Variants in AKAIN1 observed in about 807,000 individuals in gnomAD.
AKAIN1 encodes the protein A-kinase anchor inhibitor 1.
In AKAIN1, 3 loss-of-function variants were observed where a neutral mutation model predicts 3.7. The observed-to-expected ratio is 0.82, with a 90% CI of 0.37 to 2.12. AKAIN1 has a LOEUF of 2.12. Ranked by LOEUF, AKAIN1 falls within the 30% of genes most tolerant of loss-of-function variation. The pLI, the probability that AKAIN1 is intolerant of heterozygous loss-of-function variation, is 0.06. For synonymous variants in AKAIN1, 31 were observed against 30.8 expected (o/e 1.01, Z -0.02); for missense variants, 82 against 82.7 (o/e 0.99, Z 0.03).
At chr18:5,193,069 G>C in intron 1 of AKAIN1, among the ~76,000 whole-genome samples, 2 of 152,254 alleles carry the variant, frequency 1.3e-5, no homozygotes, top group Admixed American at 1.3e-4. Context: ...ATTTATCAAT[G>C]TGTCAGGAAT....
intron 1 of AKAIN1, among the ~76,000 whole-genome samples, chr18:5,194,949 C>G (rs1567881670): frequency 1.3e-5 from 2 of 152,124 alleles, no homozygotes; most frequent in South Asian, 4.1e-4. Flanking sequence ...AATGAGGTTG[C>G]AGTGCTGAAA....
At chr18:5,154,796 C>T (rs62082383) in intron 1 of AKAIN1, among the ~76,000 whole-genome samples, 28,727 of 152,058 alleles carry the variant, frequency 0.19, 2,985 homozygotes, top group African/African-American at 0.29. Flanking sequence ...CTTTTACGTT[C>T]CAACAAAACA....
At chr18:5,174,191 G>A (rs1429487294) in intron 1 of AKAIN1, among the ~76,000 whole-genome samples, 1 of 152,070 alleles carries the variant, frequency 6.6e-6, no homozygotes, top group Non-Finnish European at 1.5e-5. Context: ...ACAATCCTGA[G>A]GACCATTGCC....
chr18:5,179,423 G>GTATATA (rs148703559), intron 1 of AKAIN1, among the ~76,000 whole-genome samples: 1 of 149,372 alleles, frequency 6.7e-6, no homozygotes, highest in Non-Finnish European at 1.5e-5. Context: ...ATGTATGTGT[G>GTATATA]TATATATATA....
At chr18:5,187,616 T>G (rs994351358) in intron 1 of AKAIN1, among the ~76,000 whole-genome samples, 1 of 152,144 alleles carries the variant, frequency 6.6e-6, no homozygotes. Flanking sequence ...AACCCATTCA[T>G]GAGGACACAA....
intron 1 of AKAIN1, among the ~76,000 whole-genome samples, chr18:5,179,019 A>C (rs2071242118): frequency 6.6e-6 from 1 of 152,204 alleles, no homozygotes; most frequent in Admixed American, 6.5e-5. Context: ...TAGAGAAACT[A>C]AGGAGAAAAC....
rs2071030322 is a variant in AKAIN1, at chr18:5,143,123, G to C, written c.*2439C>G. On this transcript the variant is annotated 3_prime_UTR_variant, in exon 2 of 2. Transcript: ENST00000434239. ...ACTCATTTCTGAAACTAAAAGCTGT[G>C]ATCTGGTTTATGATGATAATCAAGT... Among the ~76,000 whole-genome samples, 1 of 152,182 alleles carries C rather than the reference G, an allele frequency of 6.6e-6. No homozygotes were observed. Among genetic ancestry groups the C allele is most frequent in the African/African-American group, 2.4e-5 (1 of 41,450 alleles).
chr18:5,153,774 A>G (rs749634099), intron 1 of AKAIN1, among the ~76,000 whole-genome samples: 2 of 152,310 alleles, frequency 1.3e-5, no homozygotes, highest in East Asian at 3.9e-4. Context: ...AGAATGTACA[A>G]CACCAAGAGT....
chr18:5,172,005 A>C (rs2071200491), intron 1 of AKAIN1, among the ~76,000 whole-genome samples: 1 of 152,216 alleles, frequency 6.6e-6, no homozygotes, highest in African/African-American at 2.4e-5. Context: ...AGTACTATTC[A>C]GCCATAAAAA....
chr18:5,161,684 G>T (rs1164477577), intron 1 of AKAIN1, among the ~76,000 whole-genome samples: 1 of 152,120 alleles, frequency 6.6e-6, no homozygotes, highest in East Asian at 1.9e-4. Context: ...ACTGGTCAGT[G>T]TAAGAATTTC....
rs2071038079 is a variant in AKAIN1 at position 5,144,555 on chromosome 18, T to A, written c.*1007A>T. On this transcript the variant is annotated 3_prime_UTR_variant, in exon 2 of 2. Transcript: ENST00000434239. ...CACTGTCACTTTACTGTCCCCATTG[T>A]GTTCTCATGTATTCCTGACCTGTAT... Among the ~76,000 whole-genome samples the A allele has an allele frequency of 6.6e-6, 1 of 152,244 alleles. No individual in the cohort carries two copies. Among genetic ancestry groups the A allele is most frequent in the African/African-American group, 2.4e-5 (1 of 41,476 alleles).
chr18:5,165,949 T>C (rs1291413277), intron 1 of AKAIN1, among the ~76,000 whole-genome samples: 1 of 152,058 alleles, frequency 6.6e-6, no homozygotes, highest in Non-Finnish European at 1.5e-5. Flanking sequence ...CTAAGTGACT[T>C]CAACAATTCA....
chr18:5,157,857 T>A (rs977579783), intron 1 of AKAIN1, among the ~76,000 whole-genome samples: 89 of 152,226 alleles, frequency 5.8e-4, no homozygotes, highest in Non-Finnish European at 1.2e-3. Flanking sequence ...GCTAATTTTT[T>A]AAATTTTTAA....
intron 1 of AKAIN1, among the ~76,000 whole-genome samples, chr18:5,166,986 G>T (rs1285314121): frequency 6.6e-6 from 1 of 152,068 alleles, no homozygotes; most frequent in Non-Finnish European, 1.5e-5. Context: ...CATTATTAAA[G>T]AATGGTCTGC....
rs1275690296 is a variant in AKAIN1, at chr18:5,148,673, T to C, written c.17-2918A>G. ...GAGTTTGAGACCAGCCTGGCCAACATGGCGAAACCCCATCTCTACTAAAAC... is the reference window on the plus strand; with the variant it reads ...GAGTTTGAGACCAGCCTGGCCAACACGGCGAAACCCCATCTCTACTAAAAC... On this transcript the variant is annotated intron_variant, in intron 1 of 1. Transcript: ENST00000434239. Among the ~76,000 whole-genome samples, 6 of 152,164 alleles carry C rather than the reference T, an allele frequency of 3.9e-5. No homozygotes were observed. The South Asian group carries it at 1.2e-3, about 32-fold the overall frequency.
intron 1 of AKAIN1, among the ~76,000 whole-genome samples, chr18:5,177,491 C>CAT (rs60652523): frequency 0.067 from 10,052 of 150,254 alleles, 652 homozygotes; most frequent in African/African-American, 0.17. Context: ...TTCTATTTTC[C>CAT]ATATATATAT....
intron 1 of AKAIN1, among the ~76,000 whole-genome samples, chr18:5,168,467 G>A (rs1001102394): frequency 1.3e-5 from 2 of 151,506 alleles, no homozygotes; most frequent in Non-Finnish European, 2.9e-5. Flanking sequence ...GAAAGACCAC[G>A]TATCCAGTTA....
At chr18:5,151,272 T>C (rs1350069222) in intron 1 of AKAIN1, among the ~76,000 whole-genome samples, 3 of 152,182 alleles carry the variant, frequency 2.0e-5, no homozygotes, top group Admixed American at 6.5e-5. Context: ...GAACAAGAAC[T>C]AATTCTGGGC....
At chr18:5,177,212 T>C (rs551179227) in intron 1 of AKAIN1, among the ~76,000 whole-genome samples, 2 of 152,294 alleles carry the variant, frequency 1.3e-5, no homozygotes, top group South Asian at 4.1e-4. Context: ...ATGATGTATC[T>C]TCTACTAAGC....
Sources: gnomAD v4.1 joint callset for allele counts (sites outside exome capture counted in the v4.1 genomes callset) on GRCh38, gnomAD v4.1.1 for gene constraint, MANE v1.5 for transcripts, NCBI Gene and HGNC (gene_info 2026-07-23, HGNC 2026-07-21) for gene names.